The following RNF10 variants were observed in gnomAD, a reference collection of about 807,000 sequenced individuals.
RNF10 encodes E3 ubiquitin-protein ligase RNF10.
RNF10 carries 38 observed loss-of-function variants against 91.4 expected under a neutral mutation model. The observed-to-expected ratio is 0.42, with a 90% CI of 0.32 to 0.54. RNF10 has a LOEUF of 0.54. Ranked by LOEUF, RNF10 falls within the 20% of genes least tolerant of loss-of-function variation. The pLI, the probability that RNF10 is intolerant of heterozygous loss-of-function variation, is 0.16. For missense variants in RNF10, 945 were observed against 1,012.0 expected (o/e 0.93, Z 0.90); for synonymous variants, 364 against 366.3 (o/e 0.99, Z 0.07).
At chr12:120,555,758 A>G (rs1448139729) in intron 4 of RNF10, among the ~76,000 whole-genome samples, 3 of 151,332 alleles carry the variant, frequency 2.0e-5, no homozygotes, top group Non-Finnish European at 2.9e-5. Context: ...GGCCTCCCAA[A>G]GTGGTGGGAT....
rs1565958581 is a variant in RNF10 at position 120,557,645 on chromosome 12, C to T, written c.930C>T (p.Ser310=). 6.2e-7 allele frequency: 1 copy of T among 1,614,112 alleles called. No homozygotes were observed. The highest frequency in any genetic ancestry group is 8.5e-7 in the Non-Finnish European group (1 of 1,180,020). The change falls in exon 6 of 17, where the codon TCC becomes TCT. Residue 310 remains serine, a synonymous_variant. Coordinates refer to ENST00000325954, the MANE Select transcript of RNF10 (RefSeq NM_014868.5). ...EKGVLVALPK[S]KWMNVDHPIH... The stretch of plus-strand genomic sequence containing the variant: ...GGGTGTTGGTGGCTTTGCCCAAATC[C>T]AAATGGATGAATGTAGACCATCCCA...
At position 120,549,902 on chromosome 12, in the gene RNF10, G is replaced by A. The variant is rs185589504; in HGVS notation, c.355-2597G>A. Among the ~76,000 whole-genome samples, 3 of 152,300 alleles carry A rather than the reference G, an allele frequency of 2.0e-5. No individual in the cohort carries two copies. The East Asian group carries it at 5.8e-4, about 29-fold the overall frequency. ...GGATCATTGATTTGGAGGTCCTAGT[G>A]GGGGTAAAGAATTGTTGGAGTCAGG... is the stretch of plus-strand genomic sequence containing the variant. On this transcript the variant is annotated intron_variant, in intron 2 of 16. Transcript: ENST00000325954.
At chr12:120,571,135 T>C in intron 13 of RNF10, 56 bp from the exon 14 acceptor site, 1 of 1,218,498 alleles carries the variant, frequency 8.2e-7, no homozygotes, top group Non-Finnish European at 1.2e-6. Context: ...ATCTCTCTTG[T>C]TAAGGACACC....
rs370334473 is a variant in RNF10 at position 120,575,663 on chromosome 12, G to A, written c.2175G>A (p.Val725=). 51 of 1,614,108 alleles carry A rather than the reference G, an allele frequency of 3.2e-5. No homozygotes were observed. Among genetic ancestry groups the A allele is most frequent in the Non-Finnish European group, 4.2e-5 (49 of 1,180,054 alleles). ...GGGTTGGAAAAGCAAAAGCAGATGT[G>A]TGGCCCAAAACTGCTCCAAAGAAAG... is the stretch of plus-strand genomic sequence containing the variant. ...MLRVGKAKAD[V]WPKTAPKKDE... is the part of the protein sequence containing the mutation. The change falls in exon 15 of 17, where the codon GTG becomes GTA. Residue 725 remains valine (V), a synonymous_variant. Coordinates refer to ENST00000325954, the MANE Select transcript of RNF10 (RefSeq NM_014868.5).
chr12:120,571,671 T>A (rs764760050), intron 14 of RNF10, among the ~76,000 whole-genome samples: 9 of 152,168 alleles, frequency 5.9e-5, no homozygotes, highest in Non-Finnish European at 1.3e-4. Flanking sequence ...TAGAATATTT[T>A]AAAAATCATT....
At chr12:120,560,631 C>T in intron 6 of RNF10, 95 bp from the exon 7 acceptor site, 12 of 1,219,986 alleles carry the variant, frequency 9.8e-6, no homozygotes, top group South Asian at 4.7e-5. Flanking sequence ...CCATTTTCAC[C>T]CCAGAGAAAA....
chr12:120,565,502 A>G lies in RNF10; in HGVS notation c.1858A>G (p.Ile620Val). 1 of 1,614,040 alleles carries G rather than the reference A, an allele frequency of 6.2e-7. No individual in the cohort carries two copies. The highest frequency in any genetic ancestry group is 1.1e-5 in the South Asian group (1 of 91,066). ...ACGCCGCCGAGAGCGCAGGATTGAGATAGAGGAGAACAAGAAACAGGGCAA... is the reference window on the plus strand; with the variant it reads ...ACGCCGCCGAGAGCGCAGGATTGAGGTAGAGGAGAACAAGAAACAGGGCAA... ...EERRRERRIE[I>V]EENKKQGKYP... Residue 620 changes from isoleucine to valine, a missense_variant, in exon 12 of 17, where the codon ATA (isoleucine) becomes GTA (valine). Ile to Val is a conservative substitution (Grantham distance 29). Coordinates refer to ENST00000325954, the MANE Select transcript of RNF10 (RefSeq NM_014868.5).
intron 6 of RNF10, among the ~76,000 whole-genome samples, chr12:120,558,122 A>G (rs560534880): frequency 2.0e-5 from 3 of 152,360 alleles, no homozygotes; most frequent in South Asian, 4.1e-4. Context: ...ATAGCATTTC[A>G]GTCTCTGGGG....
At position 120,552,513 on chromosome 12, in the gene RNF10, A is replaced by G. The variant is rs757132399; in HGVS notation, c.369A>G (p.Gln123=). ...ATTCTCTCTAGGTAGCAGAGGCTCA[A>G]CGGGCAGAGTTTAGCCCTGCCCAGT... ...GGRRDEVAEA[Q]RAEFSPAQFS... The change falls in exon 3 of 17, where the codon CAA becomes CAG. Residue 123 remains glutamine (Q), a synonymous_variant. Coordinates refer to ENST00000325954, the MANE Select transcript of RNF10 (RefSeq NM_014868.5). The G allele has an allele frequency of 3.1e-6, 5 of 1,613,322 alleles. No homozygotes were observed. The highest frequency in any genetic ancestry group is 4.5e-5 in the East Asian group (2 of 44,888).
chr12:120,577,178 A>G lies in RNF10; in HGVS notation c.*512A>G. 1 of 452,966 alleles carries G rather than the reference A, an allele frequency of 2.2e-6. No individual in the cohort carries two copies. Among genetic ancestry groups the G allele is most frequent in the Non-Finnish European group, 4.4e-6 (1 of 225,652 alleles). The allele number at this position is 452,966 out of a possible 1,614,324, so 28.1% of individuals were successfully genotyped here. A position where few individuals can be genotyped will look rare whatever the true frequency, so the allele number is the denominator to read the frequency against. ...AATGGATTTAGGACACCCAGTTTGA[A>G]TTGCAGTTTTTTTTTTTCTGACACA... On this transcript the variant is annotated 3_prime_UTR_variant, in exon 17 of 17. Transcript: ENST00000325954.
intron 1 of RNF10, among the ~76,000 whole-genome samples, chr12:120,537,701 G>A (rs1272537828): frequency 6.6e-6 from 1 of 151,864 alleles, no homozygotes; most frequent in Admixed American, 6.6e-5. Flanking sequence ...TGTTTAATGT[G>A]TGTGTTAGAA....
intron 1 of RNF10, among the ~76,000 whole-genome samples, chr12:120,539,627 G>C (rs114853199): frequency 2.0e-4 from 30 of 152,110 alleles, no homozygotes; most frequent in African/African-American, 7.0e-4. Flanking sequence ...TTTGGTAATG[G>C]GGGGAGGCTG....
chr12:120,547,574 A>G (rs630654), intron 2 of RNF10, among the ~76,000 whole-genome samples: 148,933 of 152,282 alleles, frequency 0.98, 72,900 homozygotes, highest in Non-Finnish European at 1. Flanking sequence ...GATTACAGGC[A>G]TGAGCCACCA....
At chr12:120,560,583 T>C in intron 6 of RNF10, 143 bp from the exon 7 acceptor site, 1 of 730,178 alleles carries the variant, frequency 1.4e-6, no homozygotes, top group Non-Finnish European at 2.2e-6. Flanking sequence ...TTTAAGACCA[T>C]TGTTAAATTA....
At position 120,577,182 on chromosome 12, in the gene RNF10, C is replaced by T; in HGVS notation, c.*516C>T. The T allele has an allele frequency of 4.4e-6, 2 of 451,946 alleles. No homozygotes were observed. The highest frequency in any genetic ancestry group is 2.4e-5 in the Admixed American group (1 of 41,950). 28.0% of individuals were successfully genotyped at this position (451,946 alleles called of 1,614,324 possible). On this transcript the variant is annotated 3_prime_UTR_variant, in exon 17 of 17. Coordinates refer to ENST00000325954, the MANE Select transcript of RNF10 (RefSeq NM_014868.5). ...GATTTAGGACACCCAGTTTGAATTGCAGTTTTTTTTTTTCTGACACATGGC... is the reference window on the plus strand; with the variant it reads ...GATTTAGGACACCCAGTTTGAATTGTAGTTTTTTTTTTTCTGACACATGGC...
chr12:120,573,303 C>A (rs967614434), intron 14 of RNF10, among the ~76,000 whole-genome samples: 2 of 152,138 alleles, frequency 1.3e-5, no homozygotes, highest in African/African-American at 4.8e-5. Flanking sequence ...ATTTAGTTGT[C>A]AAGTCTCTTT....
chr12:120,577,073 C>CT lies in RNF10; in HGVS notation c.*408dup, dbSNP rs1565977219. 1 of 412,256 alleles carries CT rather than the reference C, an allele frequency of 2.4e-6. No homozygotes were observed. 25.5% of individuals were successfully genotyped at this position (412,256 alleles called of 1,614,324 possible). A position where few individuals can be genotyped will look rare whatever the true frequency, so the allele number is the denominator to read the frequency against. On this transcript the variant is annotated 3_prime_UTR_variant, in exon 17 of 17. Transcript: ENST00000325954. Reference sequence around the variant, plus strand: ...AGGGCTTCCTGGACTCAGTACACCTCTCAGTTTGTCTTTTAAAAAACAGCT... The same window carrying CT: ...AGGGCTTCCTGGACTCAGTACACCTCTTCAGTTTGTCTTTTAAAAAACAGCT...
chr12:120,567,075 G>T (rs1196534219), intron 13 of RNF10, 95 bp downstream of exon 13: 2 of 1,233,226 alleles, frequency 1.6e-6, no homozygotes, highest in South Asian at 1.5e-5. Context: ...TCAGCATGGT[G>T]TGGACTTCAG....
At chr12:120,574,108 C>A (rs1877048301) in intron 14 of RNF10, among the ~76,000 whole-genome samples, 1 of 152,154 alleles carries the variant, frequency 6.6e-6, no homozygotes. Flanking sequence ...TTGGGAGGGT[C>A]AAATGTCTAA....
Sources: gnomAD v4.1 joint callset for allele counts (sites outside exome capture counted in the v4.1 genomes callset) on GRCh38, gnomAD v4.1.1 for gene constraint, MANE v1.5 for transcripts, NCBI Gene and HGNC (gene_info 2026-07-23, HGNC 2026-07-21) for gene names.